Variants in SGCZ observed in about 807,000 individuals in gnomAD.
The protein encoded by SGCZ is zeta-sarcoglycan.
SGCZ carries 40 observed loss-of-function variants against 41.3 expected under a neutral mutation model. The observed-to-expected ratio is 0.97, with a 90% confidence interval of 0.75 to 1.26. The LOEUF (loss-of-function observed/expected upper bound fraction) is 1.26. Among genes scored for constraint, SGCZ ranks in the 50% most tolerant of loss-of-function variants. The probability of loss-of-function intolerance (pLI) is 0.00; values close to 1 mark genes in which losing one functional copy is unlikely to be tolerated. For synonymous variants in SGCZ, 206 were observed against 137.5 expected (o/e 1.50, Z -3.49); for missense variants, 552 against 369.8 (o/e 1.49, Z -4.04).
intron 4 of SGCZ, among the ~76,000 whole-genome samples, chr8:14,216,357 G>C (rs1316538811): frequency 6.6e-6 from 1 of 151,686 alleles, no homozygotes; most frequent in Non-Finnish European, 1.5e-5. Flanking sequence ...GTATTATATC[G>C]TCTCCTCCGA....
chr8:14,165,850 G>C (rs916123470), intron 4 of SGCZ, among the ~76,000 whole-genome samples: 2 of 152,046 alleles, frequency 1.3e-5, no homozygotes, highest in African/African-American at 4.8e-5. Context: ...AGCACCAGTA[G>C]ATGAATATTA....
At chr8:14,395,047 T>C (rs766343761) in intron 2 of SGCZ, among the ~76,000 whole-genome samples, 1 of 152,200 alleles carries the variant, frequency 6.6e-6, no homozygotes, top group African/African-American at 2.4e-5. Flanking sequence ...CCTCAGACAA[T>C]TCTGAAGATT....
intron 1 of SGCZ, among the ~76,000 whole-genome samples, chr8:15,098,677 G>T (rs575084380): frequency 2.0e-5 from 3 of 152,104 alleles, no homozygotes; most frequent in East Asian, 3.9e-4. Context: ...TGGCTTTTAA[G>T]TTTAATAAAT....
In SGCZ at chr8:14,909,280, C is replaced by T. The variant is rs563738144; in HGVS notation, c.39+328305G>A. Among the ~76,000 whole-genome samples the T allele has an allele frequency of 2.0e-5, 3 of 152,226 alleles. No individual in the cohort carries two copies. In the South Asian group the frequency reaches 6.2e-4, roughly 32 times the overall value. On this transcript the variant is annotated intron_variant, in intron 1 of 7. Transcript: ENST00000382080. ...TTAGATTGTGAAGCTATCGAAAAAT[C>T]CTCTAAATCCAGTTGTCTACCTGGC...
At chr8:14,691,702 G>A (rs1043023827) in intron 1 of SGCZ, among the ~76,000 whole-genome samples, 2 of 151,966 alleles carry the variant, frequency 1.3e-5, no homozygotes, top group Non-Finnish European at 2.9e-5. Flanking sequence ...AGTTATGTTA[G>A]TCAGATTTAA....
intron 1 of SGCZ, among the ~76,000 whole-genome samples, chr8:14,596,458 A>C (rs1269066555): frequency 2.6e-5 from 4 of 152,224 alleles, no homozygotes; most frequent in Non-Finnish European, 5.9e-5. Context: ...GACATACCAG[A>C]TCTGTATTTA....
chr8:14,807,836 C>A, intron 1 of SGCZ, among the ~76,000 whole-genome samples: 1 of 152,180 alleles, frequency 6.6e-6, no homozygotes, highest in Non-Finnish European at 1.5e-5. Flanking sequence ...AACTGTACTA[C>A]AAGGCTACAG....
At chr8:15,059,384 A>C (rs2131007827) in intron 1 of SGCZ, among the ~76,000 whole-genome samples, 1 of 152,316 alleles carries the variant, frequency 6.6e-6, no homozygotes, top group East Asian at 1.9e-4. Context: ...TATGTCATTA[A>C]AATAAGTTTA....
intron 2 of SGCZ, among the ~76,000 whole-genome samples, chr8:14,491,275 A>T (rs1359093439): frequency 8.8e-6 from 1 of 113,104 alleles, no homozygotes; most frequent in Admixed American, 9.3e-5. Flanking sequence ...ACACTCACCC[A>T]CCCACCCACA....
At position 14,699,569 on chromosome 8, in the gene SGCZ, T is replaced by C. The variant is rs117296795; in HGVS notation, c.40-144643A>G. Among the ~76,000 whole-genome samples, 247 of 152,060 alleles carry C rather than the reference T, an allele frequency of 1.6e-3. 2 individuals are homozygous for C. In the South Asian group the frequency reaches 0.019, roughly 12 times the overall value. ...GACATCGACCTTGGCAAAAAATGTATGGCTACATTTCCAAAAGCAATTGCA... is the reference window on the plus strand; with the variant it reads ...GACATCGACCTTGGCAAAAAATGTACGGCTACATTTCCAAAAGCAATTGCA... On this transcript the variant is annotated intron_variant, in intron 1 of 7. Transcript: ENST00000382080.
At chr8:14,477,280 A>AACC (rs1254072780) in intron 2 of SGCZ, among the ~76,000 whole-genome samples, 1 of 152,194 alleles carries the variant, frequency 6.6e-6, no homozygotes, top group Non-Finnish European at 1.5e-5. Context: ...CAACAACAAA[A>AACC]ACCACCACCA....
At chr8:14,949,984 A>C (rs147759747) in intron 1 of SGCZ, among the ~76,000 whole-genome samples, 2,104 of 152,192 alleles carry the variant, frequency 0.014, 19 homozygotes, top group Non-Finnish European at 0.022. Context: ...CAATAATAAA[A>C]ACACCAGGTC....
At chr8:15,204,308 A>G (rs1230193264) in intron 1 of SGCZ, among the ~76,000 whole-genome samples, 1 of 152,228 alleles carries the variant, frequency 6.6e-6, no homozygotes, top group Non-Finnish European at 1.5e-5. Flanking sequence ...TAAAATTCAA[A>G]AAGTATGCAG....
chr8:14,319,475 A>G (rs1408447678), intron 3 of SGCZ: 1 of 152,018 alleles, frequency 6.6e-6, no homozygotes, highest in Non-Finnish European at 1.5e-5. Flanking sequence ...GTTCTTTCAG[A>G]ATCTGTCTAG....
intron 5 of SGCZ, among the ~76,000 whole-genome samples, chr8:14,128,172 T>C (rs1172606571): frequency 3.3e-5 from 5 of 152,200 alleles, no homozygotes; most frequent in African/African-American, 1.2e-4. Flanking sequence ...TGGAAGACAG[T>C]GCTTCGATTC....
chr8:14,503,224 C>T (rs1802205196), intron 2 of SGCZ, among the ~76,000 whole-genome samples: 1 of 152,146 alleles, frequency 6.6e-6, no homozygotes, highest in Non-Finnish European at 1.5e-5. Flanking sequence ...CATGTTCTCA[C>T]TCATAAGTGG....
At chr8:14,844,400 C>T (rs891915396) in intron 1 of SGCZ, among the ~76,000 whole-genome samples, 1 of 152,200 alleles carries the variant, frequency 6.6e-6, no homozygotes, top group East Asian at 1.9e-4. Context: ...TGCCATACCC[C>T]TGTGGAATGA....
intron 1 of SGCZ, among the ~76,000 whole-genome samples, chr8:15,089,958 T>G (rs1343819260): frequency 6.6e-6 from 1 of 152,192 alleles, no homozygotes; most frequent in Non-Finnish European, 1.5e-5. Flanking sequence ...ACATATTGTG[T>G]GAGATAATAC....
intron 2 of SGCZ, among the ~76,000 whole-genome samples, chr8:14,421,986 T>C (rs895538293): frequency 3.9e-5 from 6 of 152,110 alleles, no homozygotes; most frequent in African/African-American, 1.4e-4. Flanking sequence ...CAATACAAGA[T>C]TTTTTTATAT....
Sources: gnomAD v4.1 joint callset for allele counts (sites outside exome capture counted in the v4.1 genomes callset) on GRCh38, gnomAD v4.1.1 for gene constraint, MANE v1.5 for transcripts, NCBI Gene and HGNC (gene_info 2026-07-23, HGNC 2026-07-21) for gene names.